The following SGMS2 variants were observed in gnomAD, a reference collection of about 807,000 sequenced individuals.
SGMS2 encodes the protein phosphatidylcholine:ceramide cholinephosphotransferase 2.
Under a neutral mutation model 43.8 loss-of-function variants are expected in SGMS2, and 21 were observed. The observed-to-expected ratio is 0.48, with a 90% CI of 0.34 to 0.69. The LOEUF is 0.69. Among genes scored for constraint, SGMS2 ranks in the 30% least tolerant of loss-of-function variants. The probability of loss-of-function intolerance (pLI) is 0.01; values close to 1 mark genes in which losing one functional copy is unlikely to be tolerated. For synonymous variants in SGMS2, 167 were observed against 160.6 expected (o/e 1.04, Z -0.30); for missense variants, 384 against 443.2 (o/e 0.87, Z 1.20).
intron 2 of SGMS2, among the ~76,000 whole-genome samples, chr4:107,885,309 C>T (rs1169711355): frequency 6.6e-6 from 1 of 151,726 alleles, no homozygotes; most frequent in Non-Finnish European, 1.5e-5. Flanking sequence ...TAAAATACAT[C>T]ACAAACATGT....
intron 1 of SGMS2, among the ~76,000 whole-genome samples, chr4:107,852,900 T>C (rs1207717711): frequency 6.6e-6 from 1 of 152,132 alleles, no homozygotes; most frequent in African/African-American, 2.4e-5. Flanking sequence ...TTTTAAAGAG[T>C]CAATTTAATA....
At chr4:107,850,637 T>G (rs1727084698) in intron 1 of SGMS2, among the ~76,000 whole-genome samples, 1 of 152,158 alleles carries the variant, frequency 6.6e-6, no homozygotes, top group Admixed American at 6.5e-5. Flanking sequence ...TTTACTCCTT[T>G]CACTTTCCCT....
intron 6 of SGMS2, among the ~76,000 whole-genome samples, chr4:107,909,285 A>C (rs1457681182): frequency 6.6e-6 from 1 of 151,820 alleles, no homozygotes; most frequent in Non-Finnish European, 1.5e-5. Context: ...TTTATTTTGT[A>C]TTTTTAGTAG....
In SGMS2 at chr4:107,830,811, G is replaced by A. The variant is rs188349638; in HGVS notation, c.-327+5558G>A. 2.5e-3 allele frequency among the ~76,000 whole-genome samples: 373 copies of A among 152,200 alleles called. 2 individuals carry two copies. Among genetic ancestry groups the A allele is most frequent in the African/African-American group, 8.5e-3 (354 of 41,548 alleles). On this transcript the variant is annotated intron_variant, in intron 1 of 6. Coordinates refer to ENST00000690982, the MANE Select transcript of SGMS2 (RefSeq NM_001375905.1). The stretch of plus-strand genomic sequence containing the variant: ...AGAGTCCTGTTTCCAAAGAGAAGTG[G>A]AGACCACTCAGGAAGACTTGCAGCA...
intron 2 of SGMS2, among the ~76,000 whole-genome samples, chr4:107,889,803 A>T (rs953310138): frequency 2.0e-5 from 3 of 152,186 alleles, no homozygotes; most frequent in Non-Finnish European, 2.9e-5. Flanking sequence ...ATCATAAGAT[A>T]CAGAGAGAAA....
chr4:107,880,676 C>A (rs1253716066), intron 2 of SGMS2, among the ~76,000 whole-genome samples: 1 of 151,760 alleles, frequency 6.6e-6, no homozygotes, highest in African/African-American at 2.4e-5. Context: ...GCCAACAAGA[C>A]AAAACCCCAT....
chr4:107,847,984 T>C (rs1456997256), intron 1 of SGMS2, among the ~76,000 whole-genome samples: 4 of 152,114 alleles, frequency 2.6e-5, no homozygotes, highest in African/African-American at 9.7e-5. Flanking sequence ...TCTGTGGGTT[T>C]TGAAAAATGT....
chr4:107,902,193 A>G (rs1445294084), intron 4 of SGMS2, among the ~76,000 whole-genome samples: 4 of 150,016 alleles, frequency 2.7e-5, no homozygotes, highest in Non-Finnish European at 5.9e-5. Flanking sequence ...TGTAGATGAT[A>G]AGCTTTCCTT....
At chr4:107,853,647 A>C (rs1727274507) in intron 1 of SGMS2, among the ~76,000 whole-genome samples, 1 of 152,212 alleles carries the variant, frequency 6.6e-6, no homozygotes, top group Non-Finnish European at 1.5e-5. Flanking sequence ...AGCTTATCTT[A>C]TAAAATGGGA....
At position 107,908,556 on chromosome 4, in the gene SGMS2, A is replaced by G. The variant is rs774105019; in HGVS notation, c.728-9A>G. ...ATCTTATTAACTCTGTAATTTTTCT[A>G]CTGTCCAGATTCGCCTCGTCACTTC... On this transcript the variant is annotated splice_polypyrimidine_tract_variant and intron_variant, in intron 5 of 6. Transcript: ENST00000690982. 1.3e-5 allele frequency: 21 copies of G among 1,609,896 alleles called. No homozygotes were observed. The highest frequency in any genetic ancestry group is 1.7e-5 in the Admixed American group (1 of 59,404).
At chr4:107,874,700 T>C (rs1368037160) in intron 2 of SGMS2, among the ~76,000 whole-genome samples, 1 of 152,198 alleles carries the variant, frequency 6.6e-6, no homozygotes, top group Non-Finnish European at 1.5e-5. Flanking sequence ...TAAATGAAAA[T>C]TCAATAGATA....
chr4:107,876,051 A>G (rs889968371), intron 2 of SGMS2, among the ~76,000 whole-genome samples: 1 of 152,122 alleles, frequency 6.6e-6, no homozygotes, highest in Non-Finnish European at 1.5e-5. Flanking sequence ...CTTCTCCTTA[A>G]TAATTTTTCA....
intron 1 of SGMS2, among the ~76,000 whole-genome samples, chr4:107,849,106 A>G (rs1182307294): frequency 6.6e-6 from 1 of 152,170 alleles, no homozygotes; most frequent in Non-Finnish European, 1.5e-5. Flanking sequence ...TTCAACATGC[A>G]GAGAAACAGA....
Position 107,866,473 on chromosome 4 carries a change from G to A in SGMS2, c.-245+7920G>A, listed in dbSNP as rs188037771. Among the ~76,000 whole-genome samples, 307 of 152,140 alleles carry A rather than the reference G, an allele frequency of 2.0e-3. 1 individual carries two copies. The highest frequency in any genetic ancestry group is 7.0e-3 in the African/African-American group (292 of 41,504). On this transcript the variant is annotated intron_variant, in intron 2 of 6. Coordinates refer to ENST00000690982, the MANE Select transcript of SGMS2 (RefSeq NM_001375905.1). ...CCTAGCTACTCAGGAGGCTGAGGCA[G>A]GAGAATCGCTTGAACCTGAGAGGCG...
chr4:107,887,922 T>TTTA (rs1729883496), intron 2 of SGMS2, among the ~76,000 whole-genome samples: 1 of 152,178 alleles, frequency 6.6e-6, no homozygotes, highest in Non-Finnish European at 1.5e-5. Context: ...CTTTATAACC[T>TTTA]TTATTAAGGA....
intron 2 of SGMS2, chr4:107,892,939 G>A (rs1730352013): frequency 6.6e-6 from 1 of 151,874 alleles, no homozygotes; most frequent in African/African-American, 2.4e-5. Flanking sequence ...TCATTATCTT[G>A]ATGACAAACA....
At chr4:107,837,553 G>C (rs973935573) in intron 1 of SGMS2, among the ~76,000 whole-genome samples, 1 of 152,138 alleles carries the variant, frequency 6.6e-6, no homozygotes, top group African/African-American at 2.4e-5. Flanking sequence ...GAGTTGGGTA[G>C]GGCTGGCATG....
chr4:107,907,649 A>G (rs1490353960), intron 5 of SGMS2, among the ~76,000 whole-genome samples: 1 of 152,150 alleles, frequency 6.6e-6, no homozygotes, highest in Non-Finnish European at 1.5e-5. Context: ...CTGGAAATGG[A>G]TCCTTTTGCT....
intron 1 of SGMS2, among the ~76,000 whole-genome samples, chr4:107,835,677 T>A (rs904620458): frequency 1.3e-5 from 2 of 152,208 alleles, no homozygotes; most frequent in Non-Finnish European, 2.9e-5. Context: ...CATAACAGAA[T>A]GGGGATGTCT....
Sources: gnomAD v4.1 joint callset for allele counts (sites outside exome capture counted in the v4.1 genomes callset) on GRCh38, gnomAD v4.1.1 for gene constraint, MANE v1.5 for transcripts, NCBI Gene and HGNC (gene_info 2026-07-23, HGNC 2026-07-21) for gene names.